The following DTD1 variants were observed in gnomAD, a reference collection of about 807,000 sequenced individuals.
DTD1 encodes D-tyrosyl-tRNA deacylase 1 homolog.
DTD1 carries 13 observed loss-of-function variants against 25.6 expected under a neutral mutation model. The ratio of observed to expected loss-of-function variants is 0.51; its 90% CI spans 0.33 to 0.81. DTD1 has a LOEUF of 0.81. Among genes scored for constraint, DTD1 ranks in the 30% least tolerant of loss-of-function variants. The probability of loss-of-function intolerance (pLI) is 0.02; values close to 1 mark genes in which losing one functional copy is unlikely to be tolerated. For synonymous variants in DTD1, 110 were observed against 103.6 expected, an observed-to-expected ratio of 1.06 and a Z score of -0.37; for missense variants, 193 against 266.4, an observed-to-expected ratio of 0.72 and a Z score of 1.92.
At chr20:18,603,843 C>A (rs1291530645) in intron 3 of DTD1, among the ~76,000 whole-genome samples, 2 of 47,502 alleles carry the variant, frequency 4.2e-5, no homozygotes, top group African/African-American at 1.6e-4. Context: ...AAATTGACAC[C>A]CTAACATCAC....
chr20:18,630,943 C>T, intron 4 of DTD1: 1 of 398,324 alleles, frequency 2.5e-6, no homozygotes, highest in Non-Finnish European at 3.4e-6. Flanking sequence ...TGCATCCTAC[C>T]AGGAGGTATG....
At chr20:18,695,816 G>A (rs573459159) in intron 4 of DTD1, among the ~76,000 whole-genome samples, 3 of 151,342 alleles carry the variant, frequency 2.0e-5, no homozygotes, top group East Asian at 2.0e-4. Flanking sequence ...GACTACAGGC[G>A]CGTGCCACTA....
intron 4 of DTD1, among the ~76,000 whole-genome samples, chr20:18,699,176 T>C (rs1364841682): frequency 6.6e-6 from 1 of 152,210 alleles, no homozygotes; most frequent in Admixed American, 6.5e-5. Flanking sequence ...CTGTTTTACA[T>C]GTGAAAAAGC....
chr20:18,606,389 A>G (rs2060658089), intron 3 of DTD1, among the ~76,000 whole-genome samples: 1 of 137,152 alleles, frequency 7.3e-6, no homozygotes, highest in African/African-American at 2.7e-5. Flanking sequence ...AGGGATCTAG[A>G]ACTAGAAATA....
In DTD1 at chr20:18,596,088, G is replaced by A. The variant is rs763389025; in HGVS notation, c.217G>A (p.Glu73Lys). 4 of 1,614,152 alleles carry A rather than the reference G, an allele frequency of 2.5e-6. No individual in the cohort carries two copies. Among genetic ancestry groups the A allele is most frequent in the South Asian group, 1.1e-5 (1 of 91,090 alleles). ...WSKSVMDKQY[E>K]ILCVSQFTLQ... The stretch of plus-strand genomic sequence containing the variant: ...GAAGAGTGTGATGGACAAACAGTAC[G>A]AGATTCTGTGTGTCAGCCAGTTTAC... Residue 73 changes from glutamate to lysine, a missense_variant, in exon 3 of 6, where the codon GAG becomes AAG. Glu to Lys is a moderately conservative substitution (Grantham distance 56). Transcript: ENST00000377452.
At chr20:18,607,628 T>C (rs1255354072) in intron 3 of DTD1, among the ~76,000 whole-genome samples, 2 of 152,216 alleles carry the variant, frequency 1.3e-5, no homozygotes, top group African/African-American at 2.4e-5. Flanking sequence ...CATCTAGGCC[T>C]GGTGTTTCTT....
intron 4 of DTD1, among the ~76,000 whole-genome samples, chr20:18,692,304 T>C (rs1289602656): frequency 6.6e-6 from 1 of 152,234 alleles, no homozygotes; most frequent in Admixed American, 6.5e-5. Context: ...ATGGAGGTAA[T>C]GAAATGGTTT....
chr20:18,708,244 A>AAT (rs1555801970), intron 4 of DTD1, among the ~76,000 whole-genome samples: 7 of 41,406 alleles, frequency 1.7e-4, no homozygotes, highest in African/African-American at 3.8e-4. Flanking sequence ...ATATATATAT[A>AAT]ATATATATTA....
intron 3 of DTD1, among the ~76,000 whole-genome samples, chr20:18,598,935 C>T (rs1441053077): frequency 3.9e-5 from 6 of 152,064 alleles, no homozygotes; most frequent in Admixed American, 2.0e-4. Flanking sequence ...TTTAGAATGT[C>T]ATATATTTGG....
At chr20:18,697,588 A>G (rs1269490448) in intron 4 of DTD1, among the ~76,000 whole-genome samples, 2 of 152,242 alleles carry the variant, frequency 1.3e-5, no homozygotes, top group Non-Finnish European at 2.9e-5. Flanking sequence ...CACTTTGAGT[A>G]CAACCTTTCA....
chr20:18,755,930 C>T (rs1329526446), intron 5 of DTD1, among the ~76,000 whole-genome samples: 1 of 152,246 alleles, frequency 6.6e-6, no homozygotes, highest in Non-Finnish European at 1.5e-5. Flanking sequence ...TCTCCAGCCC[C>T]TGTCGTTTCC....
intron 4 of DTD1, among the ~76,000 whole-genome samples, chr20:18,638,371 A>G (rs899015232): frequency 2.6e-4 from 40 of 152,164 alleles, no homozygotes; most frequent in African/African-American, 8.5e-4. Context: ...AGAAACAAAC[A>G]AAAACAAAAA....
intron 4 of DTD1, among the ~76,000 whole-genome samples, chr20:18,698,168 G>C (rs1404332297): frequency 6.6e-6 from 1 of 152,200 alleles, no homozygotes; most frequent in Non-Finnish European, 1.5e-5. Context: ...ATCTGCTGAT[G>C]TATATGTTTT....
chr20:18,629,251 CTCCCAAAGTGCTGGGATTACAGGTGTAA>C, intron 4 of DTD1, among the ~76,000 whole-genome samples: 1 of 150,676 alleles, frequency 6.6e-6, no homozygotes, highest in African/African-American at 2.4e-5. Context: ...CTGCCACGGC[CTCCCAAAGTGCTGGGATTACAGGTGTAA>C]TCCCACTGTG....
chr20:18,629,711 A>G (rs1051451526), intron 4 of DTD1, among the ~76,000 whole-genome samples: 7 of 152,082 alleles, frequency 4.6e-5, no homozygotes, highest in East Asian at 3.8e-4. Flanking sequence ...TATTAAAAAA[A>G]AGAGGTTTAA....
At chr20:18,658,910 C>T (rs1294081206) in intron 4 of DTD1, among the ~76,000 whole-genome samples, 3 of 152,134 alleles carry the variant, frequency 2.0e-5, no homozygotes, top group Non-Finnish European at 4.4e-5. Context: ...ATGCCCCAGG[C>T]TTGGGTGTGG....
chr20:18,595,666 C>T (rs1199982412), intron 2 of DTD1, among the ~76,000 whole-genome samples: 1 of 152,130 alleles, frequency 6.6e-6, no homozygotes, highest in Non-Finnish European at 1.5e-5. Flanking sequence ...ACAATTGGAC[C>T]CATGTTTTGA....
intron 4 of DTD1, among the ~76,000 whole-genome samples, chr20:18,636,417 T>C (rs1344671619): frequency 2.6e-5 from 4 of 152,168 alleles, no homozygotes; most frequent in African/African-American, 9.7e-5. Context: ...TGCCGAAACA[T>C]TTGCTTTAGT....
chr20:18,697,437 A>G (rs562528612), intron 4 of DTD1, among the ~76,000 whole-genome samples: 20 of 152,134 alleles, frequency 1.3e-4, no homozygotes, highest in Non-Finnish European at 2.8e-4. Flanking sequence ...AATTTTATAT[A>G]GTGGTAGAGT....
Sources: gnomAD v4.1 joint callset for allele counts (sites outside exome capture counted in the v4.1 genomes callset) on GRCh38, gnomAD v4.1.1 for gene constraint, MANE v1.5 for transcripts, NCBI Gene and HGNC (gene_info 2026-07-23, HGNC 2026-07-21) for gene names.